CATSPER4: variants seen among roughly 807,000 people sequenced by gnomAD.
CATSPER4 encodes cation channel sperm associated 4.
In CATSPER4, 46 loss-of-function variants were observed where a neutral mutation model predicts 54.4. The ratio of observed to expected loss-of-function variants is 0.84; its 90% CI spans 0.67 to 1.08. The LOEUF (loss-of-function observed/expected upper bound fraction) is 1.08. Ranked by LOEUF, CATSPER4 falls within the 50% of genes least tolerant of loss-of-function variation. The probability of loss-of-function intolerance (pLI) is 0.00; values close to 1 mark genes in which losing one functional copy is unlikely to be tolerated. For synonymous variants in CATSPER4, 230 were observed against 231.9 expected (o/e 0.99, Z 0.08); for missense variants, 574 against 612.8 (o/e 0.94, Z 0.67).
Position 26,197,669 on chromosome 1 carries a change from G to T in CATSPER4, c.460-17G>T, listed in dbSNP as rs2088957282. 2 of 1,597,586 alleles carry T rather than the reference G, an allele frequency of 1.3e-6. No homozygotes were observed. The highest frequency in any genetic ancestry group is 8.6e-7 in the Non-Finnish European group (1 of 1,166,484). ...GCTGGGCCTGACAGACCCCACTGGG[G>T]CTGGCCCACTCCCCAGGACGGCTGG... On this transcript the variant is annotated splice_polypyrimidine_tract_variant and intron_variant, in intron 3 of 9. Transcript: ENST00000456354.
At chr1:26,198,496 G>A (rs1569908296) in intron 6 of CATSPER4, 77 bp downstream of exon 6, 1 of 1,587,654 alleles carries the variant, frequency 6.3e-7, no homozygotes, top group South Asian at 1.1e-5. Flanking sequence ...CTGAGAGTGG[G>A]AGCTCCAGGG....
Position 26,198,290 on chromosome 1 carries a change from T to C in CATSPER4, c.683T>C (p.Phe228Ser), listed in dbSNP as rs2088966571. Residue 228 changes from phenylalanine to serine, a missense_variant, in exon 6 of 10, where the codon TTT (phenylalanine) becomes TCT (serine). By Grantham distance (155) the Phe-to-Ser change is radical. Coordinates refer to ENST00000456354, the MANE Select transcript of CATSPER4 (RefSeq NM_198137.2). ...MVLILFFMLVFSVFGVTLFGA... is the reference protein window; with the variant it reads ...MVLILFFMLVSSVFGVTLFGA... ...GGGCTCTTTTCTCTCTGACAGGTTT[T>C]TTCCGTGTTTGGAGTAACACTCTTT... 1 of 1,614,204 alleles carries C rather than the reference T, an allele frequency of 6.2e-7. No homozygotes were observed. The highest frequency in any genetic ancestry group is 8.5e-7 in the Non-Finnish European group (1 of 1,180,030).
chr1:26,201,351 C>G lies in CATSPER4; in HGVS notation c.1200-3C>G, dbSNP rs760254567. 245 of 1,613,726 alleles carry G rather than the reference C, an allele frequency of 1.5e-4. No individual in the cohort carries two copies. Among genetic ancestry groups the G allele is most frequent in the Admixed American group, 2.2e-4 (13 of 60,008 alleles). The stretch of plus-strand genomic sequence containing the variant: ...TGAAAGGCACTCACTGCTCCACCCC[C>G]AGGATTGTGGAGGAGGTGCGCGCAA... On this transcript the variant is annotated splice_region_variant and splice_polypyrimidine_tract_variant and intron_variant, in intron 8 of 9. Transcript: ENST00000456354.
At chr1:26,198,207 G>T in intron 5 of CATSPER4, 79 bp from the exon 6 acceptor site, 1 of 1,613,528 alleles carries the variant, frequency 6.2e-7, no homozygotes, top group South Asian at 1.1e-5. Flanking sequence ...CCTCAGCAGC[G>T]TTCATTTACA....
chr1:26,197,577 C>A lies in CATSPER4; in HGVS notation c.460-109C>A, dbSNP rs1030027394. 5 of 779,472 alleles carry A rather than the reference C, an allele frequency of 6.4e-6. No individual in the cohort carries two copies. The East Asian group carries it at 1.0e-4, about 16-fold the overall frequency. The allele number at this position is 779,472 out of a possible 1,614,324, so 48.3% of individuals were successfully genotyped here. A position where few individuals can be genotyped will look rare whatever the true frequency, so the allele number is the denominator to read the frequency against. On this transcript the variant is annotated intron_variant, in intron 3 of 9. Transcript: ENST00000456354. Reference sequence around the variant, plus strand: ...AGTGGATGGCAGCTGACTGGCCCTGCTCTGAGAGGGACATTGAGCCCTCAT... The same window carrying A: ...AGTGGATGGCAGCTGACTGGCCCTGATCTGAGAGGGACATTGAGCCCTCAT...
chr1:26,197,649 GC>G, intron 3 of CATSPER4, 36 bp from the exon 4 acceptor site: 1 of 1,491,716 alleles, frequency 6.7e-7, no homozygotes, highest in South Asian at 1.1e-5. Flanking sequence ...CATGGGCTGG[GC>G]CTGACAGACC....
chr1:26,192,286 C>A (rs1442203698), intron 2 of CATSPER4, among the ~76,000 whole-genome samples: 3 of 151,846 alleles, frequency 2.0e-5, no homozygotes, highest in Non-Finnish European at 2.9e-5. Flanking sequence ...AGCTACCATG[C>A]CTAATTAAAA....
In CATSPER4 at chr1:26,197,696, A is replaced by G. The variant is rs754565307; in HGVS notation, c.470A>G (p.Asn157Ser). 32 of 1,613,014 alleles carry G rather than the reference A, an allele frequency of 2.0e-5. No homozygotes were observed. Among genetic ancestry groups the G allele is most frequent in the Non-Finnish European group, 2.7e-5 (32 of 1,179,850 alleles). ...GFWIFWKDGW[N>S]ILNFIIVFIL... ...TGGCCCACTCCCCAGGACGGCTGGA[A>G]CATCCTCAACTTCATTATCGTCTTT... Residue 157 changes from asparagine to serine, a missense_variant, in exon 4 of 10, where the codon AAC becomes AGC. By Grantham distance (46) the Asn-to-Ser change is conservative. Coordinates refer to ENST00000456354, the MANE Select transcript of CATSPER4 (RefSeq NM_198137.2).
intron 9 of CATSPER4, 74 bp downstream of exon 9, chr1:26,201,593 G>T: frequency 6.8e-7 from 1 of 1,478,930 alleles, no homozygotes; most frequent in Non-Finnish European, 9.5e-7. Context: ...CGGGCCTCTG[G>T]ACCATTTGTC....
intron 6 of CATSPER4, among the ~76,000 whole-genome samples, chr1:26,199,598 C>CAAAAAAAAAAAA (rs561742837): frequency 1.1e-4 from 12 of 113,872 alleles, no homozygotes; most frequent in South Asian, 2.8e-4. Context: ...GACTCCATCT[C>CAAAAAAAAAAAA]AAAAAAAAAA....
Position 26,195,344 on chromosome 1 carries a change from G to A in CATSPER4, c.459+1456G>A, listed in dbSNP as rs559438330. ...TTTGGCTCCCAGTTCGGCAGGCTGT[G>A]TGAGAAGCATGGTGCCAACATCTGC... On this transcript the variant is annotated intron_variant, in intron 3 of 9. Coordinates refer to ENST00000456354, the MANE Select transcript of CATSPER4 (RefSeq NM_198137.2). 2.0e-5 allele frequency among the ~76,000 whole-genome samples: 3 copies of A among 152,316 alleles called. No individual in the cohort carries two copies. The East Asian group carries it at 5.8e-4, about 29-fold the overall frequency.
At position 26,191,398 on chromosome 1, in the gene CATSPER4, A is replaced by G. The variant is rs929068306; in HGVS notation, c.325A>G (p.Ile109Val). ...GCTGCTGGTGATCAATGCCATCACC[A>G]TCGCTCTCCGTACCAACTCCTACCT... is the stretch of plus-strand genomic sequence containing the variant. ...ALLLVINAIT[I>V]ALRTNSYLDQ... The change falls in exon 2 of 10, where the codon ATC (isoleucine) becomes GTC (valine). Residue 109 changes from isoleucine (I) to valine (V), a missense_variant. Coordinates refer to ENST00000456354, the MANE Select transcript of CATSPER4 (RefSeq NM_198137.2). 4 of 1,614,124 alleles carry G rather than the reference A, an allele frequency of 2.5e-6. No homozygotes were observed. The highest frequency in any genetic ancestry group is 3.4e-6 in the Non-Finnish European group (4 of 1,180,018).
At chr1:26,193,542 C>T (rs529558539) in intron 2 of CATSPER4, among the ~76,000 whole-genome samples, 12 of 152,300 alleles carry the variant, frequency 7.9e-5, no homozygotes, top group East Asian at 3.9e-4. Flanking sequence ...TTCTGTAAGA[C>T]GGGAATAAAA....
chr1:26,191,928 GA>G (rs1397756600), intron 2 of CATSPER4, among the ~76,000 whole-genome samples: 3 of 152,072 alleles, frequency 2.0e-5, no homozygotes, highest in Non-Finnish European at 4.4e-5. Flanking sequence ...GCTTCCTGGA[GA>G]AAGTGACACT....
intron 3 of CATSPER4, among the ~76,000 whole-genome samples, chr1:26,196,402 C>CTTTT (rs58507291): frequency 3.6e-5 from 3 of 82,456 alleles, no homozygotes; most frequent in African/African-American, 9.5e-5. Flanking sequence ...TTTTCTTTTC[C>CTTTT]TTTTTTTTTT....
intron 3 of CATSPER4, 39 bp downstream of exon 3, chr1:26,193,927 G>GAAGT: frequency 7.3e-7 from 1 of 1,373,344 alleles, no homozygotes; most frequent in Non-Finnish European, 1.0e-6. Context: ...TCCCCCTGGG[G>GAAGT]ACTGCACACC....
At chr1:26,192,625 C>T (rs1292385212) in intron 2 of CATSPER4, among the ~76,000 whole-genome samples, 1 of 149,850 alleles carries the variant, frequency 6.7e-6, no homozygotes, top group East Asian at 2.0e-4. Context: ...CAGGTTCTCG[C>T]TCTGTCGCCC....
rs750934408 is a variant in CATSPER4 at position 26,198,071 on chromosome 1, C to T, written c.672C>T (p.Phe224=). 1.9e-6 allele frequency: 3 copies of T among 1,614,096 alleles called. No homozygotes were observed. The highest frequency in any genetic ancestry group is 2.5e-6 in the Non-Finnish European group (3 of 1,180,046). ...ATATCATGGTCCTCATCCTCTTCTT[C>T]ATGCTGGTCAGTGCCTGCCCCCGCC... ...MANIMVLILF[F]MLVFSVFGVT... is the part of the protein sequence containing the mutation. The change falls in exon 5 of 10, where the codon TTC becomes TTT. Residue 224 remains phenylalanine, a synonymous_variant. Transcript: ENST00000456354.
At chr1:26,196,721 T>G (rs2088942975) in intron 3 of CATSPER4, among the ~76,000 whole-genome samples, 1 of 151,996 alleles carries the variant, frequency 6.6e-6, no homozygotes. Context: ...TGTTGGTTAT[T>G]CTTAACCTTA....
Sources: allele counts gnomAD v4.1 joint callset (sites outside exome capture counted in the v4.1 genomes callset), GRCh38; gene constraint gnomAD v4.1.1; transcripts MANE v1.5; gene names NCBI Gene and HGNC (gene_info 2026-07-23, HGNC 2026-07-21).